PELI1: variants seen among roughly 807,000 people sequenced by gnomAD.
PELI1 encodes E3 ubiquitin-protein ligase pellino homolog 1.
A neutral mutation model predicts 41.3 loss-of-function variants in PELI1; 15 were observed. The observed-to-expected ratio is 0.36, with a 90% CI of 0.24 to 0.56. PELI1 has a LOEUF of 0.56. PELI1 is among the 20% of genes least tolerant of loss of function. The pLI, the probability that PELI1 is intolerant of heterozygous loss-of-function variation, is 0.82. For missense variants in PELI1, 403 were observed against 525.5 expected, an observed-to-expected ratio of 0.77 and a Z score of 2.28; for synonymous variants, 178 against 180.1, an observed-to-expected ratio of 0.99 and a Z score of 0.09.
rs1680391134 is a variant in PELI1, at chr2:64,100,529, T to C, written c.202-30A>G. 8.5e-6 allele frequency: 9 copies of C among 1,056,398 alleles called. No individual in the cohort carries two copies. The East Asian group carries it at 2.1e-4, about 25-fold the overall frequency. The allele number at this position is 1,056,398 out of a possible 1,614,324, so 65.4% of individuals were successfully genotyped here. A position where few individuals can be genotyped will look rare whatever the true frequency, so the allele number is the denominator to read the frequency against. On this transcript the variant is annotated intron_variant, in intron 3 of 6. Transcript: ENST00000358912. ...GAATGAAAAAGTTAATAGCAAAAAT[T>C]AGTAGGCAGGTCAATCCAATCAGAT...
intron 4 of PELI1, among the ~76,000 whole-genome samples, chr2:64,096,848 T>G (rs1447706581): frequency 6.6e-6 from 1 of 152,142 alleles, no homozygotes; most frequent in African/African-American, 2.4e-5. Context: ...TACGAAACCC[T>G]TAGGGAATGA....
intron 3 of PELI1, among the ~76,000 whole-genome samples, chr2:64,100,977 G>A (rs567514278): frequency 2.0e-5 from 3 of 152,212 alleles, no homozygotes; most frequent in East Asian, 3.9e-4. Context: ...CAATCCGCCT[G>A]CCTCAGCCTC....
In PELI1 at chr2:64,103,568, C is replaced by T. The variant is rs534528934; in HGVS notation, c.201+1133G>A. Reference sequence around the variant, plus strand: ...ACTTCCACCACCTGCTTAGTATATTCCTTCTCGCCAAAGGAGCAAAAAGAA... The same window carrying T: ...ACTTCCACCACCTGCTTAGTATATTTCTTCTCGCCAAAGGAGCAAAAAGAA... On this transcript the variant is annotated intron_variant, in intron 3 of 6. Transcript: ENST00000358912. Among the ~76,000 whole-genome samples, 3 of 152,276 alleles carry T rather than the reference C, an allele frequency of 2.0e-5. No homozygotes were observed. The South Asian group carries it at 6.2e-4, about 32-fold the overall frequency.
chr2:64,137,796 C>T (rs1681766147), intron 1 of PELI1, among the ~76,000 whole-genome samples: 1 of 151,942 alleles, frequency 6.6e-6, no homozygotes, highest in Admixed American at 6.6e-5. Flanking sequence ...CCCTTTTTTC[C>T]TTAAAAACAA....
intron 1 of PELI1, among the ~76,000 whole-genome samples, chr2:64,133,523 G>A (rs1206921129): frequency 6.6e-6 from 1 of 152,064 alleles, no homozygotes; most frequent in Admixed American, 6.5e-5. Flanking sequence ...TACCGATACA[G>A]ATACAGCTAC....
At chr2:64,135,469 T>C (rs1681686914) in intron 1 of PELI1, among the ~76,000 whole-genome samples, 1 of 152,162 alleles carries the variant, frequency 6.6e-6, no homozygotes, top group African/African-American at 2.4e-5. Flanking sequence ...GTTACTACTT[T>C]ATAACCTTAA....
At chr2:64,140,663 C>T (rs535295846) in intron 1 of PELI1, among the ~76,000 whole-genome samples, 4 of 151,898 alleles carry the variant, frequency 2.6e-5, no homozygotes, top group African/African-American at 9.7e-5. Flanking sequence ...ACTGTGCTTT[C>T]TCTTTATTAC....
intron 1 of PELI1, among the ~76,000 whole-genome samples, chr2:64,117,830 G>C (rs1681051155): frequency 6.7e-6 from 1 of 149,384 alleles, no homozygotes; most frequent in Non-Finnish European, 1.5e-5. Context: ...TTTTTTTTGA[G>C]ACAGAGTGTT....
At chr2:64,096,049 T>C (rs1244729471) in intron 6 of PELI1, 76 bp downstream of exon 6, 2 of 975,880 alleles carry the variant, frequency 2.0e-6, no homozygotes, top group Non-Finnish European at 3.1e-6. Flanking sequence ...TTTTCTGGAA[T>C]GTATGTAATG....
chr2:64,138,605 T>G (rs905438843), intron 1 of PELI1, among the ~76,000 whole-genome samples: 1 of 152,076 alleles, frequency 6.6e-6, no homozygotes, highest in Non-Finnish European at 1.5e-5. Flanking sequence ...CGTGTGCCTG[T>G]AATCCCAGCT....
chr2:64,131,018 T>C (rs1027085504), intron 1 of PELI1, among the ~76,000 whole-genome samples: 5 of 152,164 alleles, frequency 3.3e-5, no homozygotes, highest in Non-Finnish European at 7.4e-5. Flanking sequence ...AATCAACACA[T>C]AAAGACTCTG....
In PELI1 at chr2:64,092,879, CTTAGT is replaced by C. The variant is rs1409444326; in HGVS notation, c.*1818_*1822del. Reference sequence around the variant, plus strand: ...AATTATGTATTTTGAAAAGTATTTACTTAGTTTAAATAAATTAATTGCAAATAAAA... The same window carrying C: ...AATTATGTATTTTGAAAAGTATTTACTTAAATAAATTAATTGCAAATAAAA... On this transcript the variant is annotated 3_prime_UTR_variant, in exon 7 of 7. Transcript: ENST00000358912. 2 of 152,126 alleles carry C rather than the reference CTTAGT, an allele frequency of 1.3e-5. No individual in the cohort carries two copies. Among genetic ancestry groups the C allele is most frequent in the African/African-American group, 2.4e-5 (1 of 41,412 alleles). The allele number at this position is 152,126 out of a possible 1,614,324, so 9.4% of individuals were successfully genotyped here. A position where few individuals can be genotyped will look rare whatever the true frequency, so the allele number is the denominator to read the frequency against.
chr2:64,110,928 A>AATATATATATATATAT (rs113178570), intron 1 of PELI1, among the ~76,000 whole-genome samples: 2 of 149,296 alleles, frequency 1.3e-5, no homozygotes, highest in Non-Finnish European at 1.5e-5. Context: ...TCCATTTCAA[A>AATATATATATATATAT]ATATATATAT....
At chr2:64,108,772 T>C (rs1680704317) in intron 1 of PELI1, among the ~76,000 whole-genome samples, 1 of 152,184 alleles carries the variant, frequency 6.6e-6, no homozygotes, top group Non-Finnish European at 1.5e-5. Context: ...TTTTGCCTAA[T>C]ATATCCCAGA....
chr2:64,133,870 A>G (rs1225508399), intron 1 of PELI1, among the ~76,000 whole-genome samples: 3 of 152,116 alleles, frequency 2.0e-5, no homozygotes, highest in Admixed American at 6.5e-5. Context: ...ATAAGGACAT[A>G]CATGGAAGTA....
intron 6 of PELI1, 57 bp from the exon 7 acceptor site, chr2:64,095,325 A>G: frequency 7.8e-7 from 1 of 1,275,566 alleles, no homozygotes; most frequent in Non-Finnish European, 1.1e-6. Context: ...ATTTTTACAT[A>G]AGTGTTTTGG....
chr2:64,095,139 C>G lies in PELI1; in HGVS notation c.820G>C (p.Glu274Gln). The change falls in exon 7 of 7, where the codon GAA becomes CAA. Residue 274 changes from glutamate to glutamine, a missense_variant. Transcript: ENST00000358912. ...TVKHLEALRQ[E>Q]INAARPQCPV... The stretch of plus-strand genomic sequence containing the variant: ...CACTGAGGTCGTGCTGCATTGATTT[C>G]CTGTCTTAAAGCTTCTAAATGCTTC... 1 of 1,614,170 alleles carries G rather than the reference C, an allele frequency of 6.2e-7. No homozygotes were observed. Among genetic ancestry groups the G allele is most frequent in the Non-Finnish European group, 8.5e-7 (1 of 1,180,020 alleles).
chr2:64,096,231 T>C lies in PELI1; in HGVS notation c.584A>G (p.Asn195Ser), dbSNP rs368144933. The C allele has an allele frequency of 9.5e-5, 154 of 1,613,658 alleles. No individual in the cohort carries two copies. Among genetic ancestry groups the C allele is most frequent in the East Asian group, 3.6e-4 (16 of 44,886 alleles). Residue 195 changes from asparagine to serine, a missense_variant, in exon 6 of 7, where the codon AAT becomes AGT. Physicochemically the swap from Asn to Ser is conservative, Grantham distance 46. Coordinates refer to ENST00000358912, the MANE Select transcript of PELI1 (RefSeq NM_020651.4). ...AGGCTTGGAGTCTTCTGTGAACCCATTGCGTGGATGCATCACAAGAACACC... is the reference window on the plus strand; with the variant it reads ...AGGCTTGGAGTCTTCTGTGAACCCACTGCGTGGATGCATCACAAGAACACC... ...TNGVLVMHPRNGFTEDSKPGI... is the reference protein window; with the variant it reads ...TNGVLVMHPRSGFTEDSKPGI...
Position 64,095,213 on chromosome 2 carries a change from G to A in PELI1, c.746C>T (p.Ala249Val). 1 of 1,614,064 alleles carries A rather than the reference G, an allele frequency of 6.2e-7. No individual in the cohort carries two copies. The highest frequency in any genetic ancestry group is 2.2e-5 in the East Asian group (1 of 44,886). The change falls in exon 7 of 7, where the codon GCA becomes GTA. Residue 249 changes from alanine to valine, a missense_variant. Physicochemically the swap from Ala to Val is moderately conservative, Grantham distance 64 (BLOSUM62 0). Coordinates refer to ENST00000358912, the MANE Select transcript of PELI1 (RefSeq NM_020651.4). ...QDGSLIDLCG[A>V]TLLWRTAEGL... ...TTCTGCAGTACGCCATAACAATGTT[G>A]CACCACAGAGGTCAATTAACGAGCC...
Sources: gnomAD v4.1 joint callset for allele counts (sites outside exome capture counted in the v4.1 genomes callset) on GRCh38, gnomAD v4.1.1 for gene constraint, MANE v1.5 for transcripts, NCBI Gene and HGNC (gene_info 2026-07-23, HGNC 2026-07-21) for gene names.